The following MAF variants were observed in gnomAD, a reference collection of about 807,000 sequenced individuals.
MAF encodes the protein transcription factor Maf.
Under a neutral mutation model 22.0 loss-of-function variants are expected in MAF, and 10 were observed. The ratio of observed to expected loss-of-function variants is 0.45; its 90% CI spans 0.28 to 0.77. The LOEUF (loss-of-function observed/expected upper bound fraction) is 0.77, where lower values mean the gene tolerates loss of function less well. Among genes scored for constraint, MAF ranks in the 30% least tolerant of loss-of-function variants. The probability of loss-of-function intolerance (pLI) is 0.12; values close to 1 mark genes in which losing one functional copy is unlikely to be tolerated. For missense variants in MAF, 544 were observed against 548.4 expected (o/e 0.99, Z 0.08); for synonymous variants, 337 against 255.8 (o/e 1.32, Z -3.03).
the MAF span, among the ~76,000 whole-genome samples, chr16:79,340,733 T>C: frequency 6.6e-6 from 1 of 152,002 alleles, no homozygotes; most frequent in Non-Finnish European, 1.5e-5. Flanking sequence ...CTTGACCTCC[T>C]AGATGCCAGT....
the MAF span, among the ~76,000 whole-genome samples, chr16:79,305,275 A>C: frequency 6.6e-6 from 1 of 152,212 alleles, no homozygotes; most frequent in Non-Finnish European, 1.5e-5. Context: ...GCCAAGCTGC[A>C]GTTGCTCGGT....
chr16:79,448,426 GT>G, the MAF span, among the ~76,000 whole-genome samples: 106 of 139,562 alleles, frequency 7.6e-4, no homozygotes, highest in Non-Finnish European at 6.5e-4. Flanking sequence ...TGTTTTATTT[GT>G]TTTTGTTTTT....
the MAF span, among the ~76,000 whole-genome samples, chr16:79,498,221 A>T: frequency 6.6e-6 from 1 of 152,206 alleles, no homozygotes; most frequent in Non-Finnish European, 1.5e-5. Context: ...TTAGATCAAG[A>T]GGCAGCAAAC....
chr16:79,220,194 T>C, the MAF span, among the ~76,000 whole-genome samples: 1 of 141,516 alleles, frequency 7.1e-6, no homozygotes, highest in Non-Finnish European at 1.5e-5. Context: ...AGGTGGAAGC[T>C]GCTGTGAGCT....
At chr16:79,523,839 T>A in the MAF span, among the ~76,000 whole-genome samples, 4 of 152,210 alleles carry the variant, frequency 2.6e-5, no homozygotes, top group African/African-American at 9.7e-5. Flanking sequence ...TCCACAGAAA[T>A]GAATTCATTA....
chr16:79,232,133 C>T, the MAF span, among the ~76,000 whole-genome samples: 37 of 152,008 alleles, frequency 2.4e-4, no homozygotes, highest in Non-Finnish European at 1.5e-4. Context: ...TGCTACTCAC[C>T]TCTTACTGCG....
chr16:79,483,441 C>A, the MAF span, among the ~76,000 whole-genome samples: 1 of 149,890 alleles, frequency 6.7e-6, no homozygotes, highest in African/African-American at 2.5e-5. Context: ...AAGGGAAGAC[C>A]CAAAGCCATT....
chr16:79,451,321 G>A, the MAF span, among the ~76,000 whole-genome samples: 1 of 152,192 alleles, frequency 6.6e-6, no homozygotes, highest in African/African-American at 2.4e-5. Context: ...GTCCACAGGA[G>A]GCTAATAGGA....
the MAF span, among the ~76,000 whole-genome samples, chr16:79,428,932 A>C: frequency 6.6e-6 from 1 of 152,078 alleles, no homozygotes; most frequent in African/African-American, 2.4e-5. Context: ...CATAGCTGCA[A>C]TTACAAAAGC....
downstream of MAF, among the ~76,000 whole-genome samples, chr16:79,589,701 CG>C (rs1913072131): frequency 6.6e-6 from 1 of 152,156 alleles, no homozygotes; most frequent in Non-Finnish European, 1.5e-5. Flanking sequence ...AGCGGCGCAC[CG>C]GGGAGTTTTG....
At chr16:79,440,984 G>C in the MAF span, among the ~76,000 whole-genome samples, 2 of 152,150 alleles carry the variant, frequency 1.3e-5, no homozygotes, top group Admixed American at 1.3e-4. Context: ...CGGTGATGTG[G>C]AGTCGTAATG....
chr16:79,593,912 A>C lies in MAF; in HGVS notation c.*548T>G, dbSNP rs1210679968. ...TATGTCTGACAAATGAGCACGTTTG[A>C]CATCACTGATAAATGCAACACCGTC... On this transcript the variant is annotated 3_prime_UTR_variant, in exon 2 of 2. Coordinates refer to ENST00000326043, the MANE Select transcript of MAF (RefSeq NM_005360.5). The C allele has an allele frequency of 5.1e-6, 1 of 195,982 alleles. No individual in the cohort carries two copies. The highest frequency in any genetic ancestry group is 1.1e-5 in the Non-Finnish European group (1 of 94,492). The allele number at this position is 195,982 out of a possible 1,614,324, so 12.1% of individuals were successfully genotyped here. A position where few individuals can be genotyped will look rare whatever the true frequency, so the allele number is the denominator to read the frequency against.
chr16:79,489,972 G>A, the MAF span, among the ~76,000 whole-genome samples: 1 of 152,186 alleles, frequency 6.6e-6, no homozygotes, highest in African/African-American at 2.4e-5. Flanking sequence ...AGGAGGTAGA[G>A]CATAAGGTAG....
At chr16:79,307,792 G>A in the MAF span, among the ~76,000 whole-genome samples, 1 of 152,158 alleles carries the variant, frequency 6.6e-6, no homozygotes, top group African/African-American at 2.4e-5. Context: ...TTAGGCCCTG[G>A]ATTGTGCTAG....
At chr16:79,203,979 T>G in the MAF span, 1 of 152,164 alleles carries the variant, frequency 6.6e-6, no homozygotes, top group Non-Finnish European at 1.5e-5. Context: ...AGCAGTCCTT[T>G]AGCACGGGCA....
chr16:79,403,340 C>T, the MAF span, among the ~76,000 whole-genome samples: 1 of 152,344 alleles, frequency 6.6e-6, no homozygotes, highest in Non-Finnish European at 1.5e-5. Flanking sequence ...GGGTAGAAAT[C>T]ACAAGCTCTC....
At chr16:79,576,193 T>C in the MAF span, among the ~76,000 whole-genome samples, 18 of 145,538 alleles carry the variant, frequency 1.2e-4, no homozygotes, top group Non-Finnish European at 2.1e-4. Flanking sequence ...CAGATAATGG[T>C]TTCATGGGGA....
chr16:79,207,113 G>T, the MAF span, among the ~76,000 whole-genome samples: 1 of 152,078 alleles, frequency 6.6e-6, no homozygotes, highest in Admixed American at 6.6e-5. Context: ...GCGTGTAGAC[G>T]GCCATCTATT....
downstream of MAF, chr16:79,593,727 G>A (rs1913321530): frequency 5.9e-6 from 1 of 169,224 alleles, no homozygotes; most frequent in Admixed American, 6.4e-5. Context: ...TTATTACATG[G>A]TTTTTGAAAA....
Sources: gnomAD v4.1 joint callset for allele counts (sites outside exome capture counted in the v4.1 genomes callset) on GRCh38, gnomAD v4.1.1 for gene constraint, MANE v1.5 for transcripts, NCBI Gene and HGNC (gene_info 2026-07-23, HGNC 2026-07-21) for gene names.